The following ARSG variants were observed in gnomAD, a reference collection of about 807,000 sequenced individuals.
The protein encoded by ARSG is ASG.
ARSG carries 37 observed loss-of-function variants against 50.5 expected under a neutral mutation model. The observed-to-expected ratio is 0.73, with a 90% confidence interval of 0.56 to 0.96. ARSG has a LOEUF of 0.96. ARSG is among the 50% of genes least tolerant of loss of function. The pLI is 0.00. For missense variants in ARSG, 629 were observed against 675.3 expected, an observed-to-expected ratio of 0.93 and a Z score of 0.76; for synonymous variants, 225 against 254.6, an observed-to-expected ratio of 0.88 and a Z score of 1.11.
At chr17:68,311,418 C>G (rs781879593) in intron 2 of ARSG, among the ~76,000 whole-genome samples, 1 of 152,144 alleles carries the variant, frequency 6.6e-6, no homozygotes, top group Non-Finnish European at 1.5e-5. Flanking sequence ...ATCATCTGAC[C>G]ACTACATTGG....
chr17:68,337,131 A>T (rs570144501), intron 2 of ARSG, among the ~76,000 whole-genome samples: 4 of 152,130 alleles, frequency 2.6e-5, no homozygotes, highest in Admixed American at 2.6e-4. Context: ...TGTGGGGTGG[A>T]TGGTGGTGGC....
At chr17:68,408,018 T>C (rs2081812337) in intron 11 of ARSG, among the ~76,000 whole-genome samples, 1 of 151,832 alleles carries the variant, frequency 6.6e-6, no homozygotes, top group African/African-American at 2.4e-5. Context: ...TTTCTTTTTT[T>C]TTTTTTTATT....
intron 2 of ARSG, among the ~76,000 whole-genome samples, chr17:68,312,629 G>A (rs2076910463): frequency 6.6e-6 from 1 of 152,140 alleles, no homozygotes; most frequent in African/African-American, 2.4e-5. Flanking sequence ...ACCCCCTTAT[G>A]AAAGTGTTTC....
chr17:68,308,206 T>C (rs1172386354), intron 2 of ARSG, among the ~76,000 whole-genome samples: 4 of 152,210 alleles, frequency 2.6e-5, no homozygotes, highest in Non-Finnish European at 5.9e-5. Flanking sequence ...CTCGGGAGGC[T>C]GAAGTGGGAG....
chr17:68,432,295 G>A, the ARSG span, among the ~76,000 whole-genome samples: 1 of 152,194 alleles, frequency 6.6e-6, no homozygotes, highest in Admixed American at 6.5e-5. Context: ...GGTGACCTCA[G>A]GCAGCGTGGG....
chr17:68,376,054 C>G (rs2080127121), intron 8 of ARSG, among the ~76,000 whole-genome samples: 1 of 152,148 alleles, frequency 6.6e-6, no homozygotes, highest in Admixed American at 6.6e-5. Flanking sequence ...CCACATCTGT[C>G]TAGTTCCAAA....
intron 2 of ARSG, among the ~76,000 whole-genome samples, chr17:68,340,142 A>C (rs140850562): frequency 6.6e-6 from 1 of 152,188 alleles, no homozygotes; most frequent in Non-Finnish European, 1.5e-5. Flanking sequence ...AAGTGTCAAG[A>C]TGAATGTTTA....
At chr17:68,390,017 C>T (rs2147084923) in intron 9 of ARSG, among the ~76,000 whole-genome samples, 1 of 152,060 alleles carries the variant, frequency 6.6e-6, no homozygotes, top group Non-Finnish European at 1.5e-5. Flanking sequence ...GATGGAGTTT[C>T]ACTCTTGTCA....
At chr17:68,333,628 CAAAAATAAT>C (rs942584559) in intron 2 of ARSG, among the ~76,000 whole-genome samples, 8 of 102,408 alleles carry the variant, frequency 7.8e-5, no homozygotes, top group African/African-American at 2.2e-4. Flanking sequence ...AACTCTGTCT[CAAAAATAAT>C]AATAATAATA....
chr17:68,435,719 G>C, the ARSG span: 3 of 1,614,026 alleles, frequency 1.9e-6, no homozygotes, highest in Non-Finnish European at 2.5e-6. Context: ...TTTTCTGTTG[G>C]TGAAAAGGAA....
intron 6 of ARSG, among the ~76,000 whole-genome samples, chr17:68,357,799 GCTT>G (rs1437875587): frequency 6.6e-6 from 1 of 152,166 alleles, no homozygotes; most frequent in African/African-American, 2.4e-5. Flanking sequence ...GCTGCTTGGT[GCTT>G]CTTTGTGAAA....
At chr17:68,290,322 G>A (rs1259221267), upstream of ARSG, among the ~76,000 whole-genome samples, 1 of 152,180 alleles carries the variant, frequency 6.6e-6, no homozygotes, top group Non-Finnish European at 1.5e-5. Context: ...TTGCTAGGGT[G>A]GGGGGAATAA....
chr17:68,419,484 G>A (rs2082615406), intron 11 of ARSG, among the ~76,000 whole-genome samples: 1 of 152,200 alleles, frequency 6.6e-6, no homozygotes. Flanking sequence ...GCTGAGGCAG[G>A]AGAATTGCTT....
chr17:68,292,898 G>A (rs553155429), intron 1 of ARSG, among the ~76,000 whole-genome samples: 2 of 152,248 alleles, frequency 1.3e-5, no homozygotes, highest in East Asian at 3.9e-4. Flanking sequence ...CTCGTAGAGC[G>A]TTAATTTCTC....
the ARSG span, among the ~76,000 whole-genome samples, chr17:68,429,301 C>T: frequency 6.6e-6 from 1 of 152,212 alleles, no homozygotes; most frequent in African/African-American, 2.4e-5. Context: ...GATTGGCTTA[C>T]TGTCTTTGCT....
chr17:68,336,036 C>T (rs1411856351), intron 2 of ARSG, among the ~76,000 whole-genome samples: 3 of 151,986 alleles, frequency 2.0e-5, no homozygotes, highest in African/African-American at 7.3e-5. Flanking sequence ...GTAGCTGGGA[C>T]TACAGACACC....
chr17:68,425,466 C>T (rs1481033125), downstream of ARSG, among the ~76,000 whole-genome samples: 1 of 151,290 alleles, frequency 6.6e-6, no homozygotes, highest in African/African-American at 2.4e-5. Flanking sequence ...AGCAATCCTC[C>T]AGCCTCGGCC....
intron 1 of ARSG, among the ~76,000 whole-genome samples, chr17:68,296,568 G>A (rs2076217044): frequency 6.6e-6 from 1 of 152,168 alleles, no homozygotes; most frequent in African/African-American, 2.4e-5. Flanking sequence ...TGTGATCGGT[G>A]GGGGCCTGTG....
intron 1 of ARSG, among the ~76,000 whole-genome samples, chr17:68,302,712 G>A (rs947958750): frequency 2.6e-5 from 4 of 152,200 alleles, no homozygotes; most frequent in African/African-American, 9.7e-5. Flanking sequence ...GAGAAGAATA[G>A]GAATCATGGG....
Sources: allele counts gnomAD v4.1 joint callset (sites outside exome capture counted in the v4.1 genomes callset), GRCh38; gene constraint gnomAD v4.1.1; transcripts MANE v1.5; gene names NCBI Gene and HGNC (gene_info 2026-07-23, HGNC 2026-07-21).